The following ZFAT variants were observed in gnomAD, a reference collection of about 807,000 sequenced individuals.
The protein encoded by ZFAT is zinc finger and AT-hook domain containing, also known as zinc finger protein ZFAT.
A neutral mutation model predicts 117.7 loss-of-function variants in ZFAT; 64 were observed. That is an observed-to-expected ratio of 0.54 (90% CI 0.44 to 0.67). The LOEUF is 0.67. Among genes scored for constraint, ZFAT ranks in the 30% least tolerant of loss-of-function variants. The pLI, the probability that ZFAT is intolerant of heterozygous loss-of-function variation, is 0.00. For missense variants in ZFAT, 1,433 were observed against 1,584.5 expected (o/e 0.90, Z 1.62); for synonymous variants, 679 against 615.0 (o/e 1.10, Z -1.54).
At chr8:134,500,876 G>C (rs891311298) in intron 15 of ZFAT, among the ~76,000 whole-genome samples, 4 of 152,202 alleles carry the variant, frequency 2.6e-5, no homozygotes, top group African/African-American at 9.7e-5. Flanking sequence ...TATAAGGAAT[G>C]CCAAGTATGA....
At chr8:134,826,428 T>C in the ZFAT span, among the ~76,000 whole-genome samples, 1 of 152,188 alleles carries the variant, frequency 6.6e-6, no homozygotes, top group Admixed American at 6.5e-5. Context: ...CACAGAAACA[T>C]GTAAAAAATC....
upstream of ZFAT, among the ~76,000 whole-genome samples, chr8:134,715,856 A>T (rs1563783751): frequency 6.6e-6 from 1 of 152,218 alleles, no homozygotes; most frequent in Non-Finnish European, 1.5e-5. Context: ...TATATCCAAT[A>T]TCTTTATGAG....
intron 11 of ZFAT, among the ~76,000 whole-genome samples, chr8:134,558,560 T>C (rs1823819927): frequency 6.6e-6 from 1 of 152,204 alleles, no homozygotes; most frequent in Admixed American, 6.5e-5. Flanking sequence ...TAAAAATTTA[T>C]AAAAAATACA....
intron 1 of ZFAT, among the ~76,000 whole-genome samples, chr8:134,670,272 T>C (rs1211890677): frequency 1.3e-5 from 2 of 152,134 alleles, no homozygotes; most frequent in African/African-American, 4.8e-5. Flanking sequence ...TCTACAGAAC[T>C]CTCCACCCCA....
intron 7 of ZFAT, among the ~76,000 whole-genome samples, chr8:134,591,644 G>A (rs1349604209): frequency 1.3e-5 from 2 of 152,214 alleles, no homozygotes; most frequent in African/African-American, 4.8e-5. Flanking sequence ...GAGGTCACTA[G>A]GGTGGGCCCT....
upstream of ZFAT, among the ~76,000 whole-genome samples, chr8:134,714,641 C>CT (rs980928032): frequency 6.6e-6 from 1 of 152,234 alleles, no homozygotes; most frequent in Non-Finnish European, 1.5e-5. Flanking sequence ...TAGCCTCCCC[C>CT]TTCTTCATTT....
chr8:134,652,764 G>C (rs980131398), intron 2 of ZFAT, among the ~76,000 whole-genome samples: 1 of 152,098 alleles, frequency 6.6e-6, no homozygotes, highest in Non-Finnish European at 1.5e-5. Flanking sequence ...TTTAAAATAA[G>C]ATAATATCCT....
the ZFAT span, among the ~76,000 whole-genome samples, chr8:134,769,871 A>T: frequency 6.6e-6 from 1 of 152,226 alleles, no homozygotes; most frequent in African/African-American, 2.4e-5. Flanking sequence ...CGCCATGTGG[A>T]AGCTGCCAAA....
At chr8:134,694,069 A>T (rs1396014992) in intron 1 of ZFAT, among the ~76,000 whole-genome samples, 1 of 152,190 alleles carries the variant, frequency 6.6e-6, no homozygotes, top group Non-Finnish European at 1.5e-5. Context: ...ACTCCACAAA[A>T]ATATCAATGT....
chr8:134,712,729 GCCGGCGGC>G, intron 1 of ZFAT, 108 bp downstream of exon 1: 1 of 909,934 alleles, frequency 1.1e-6, no homozygotes, highest in Non-Finnish European at 1.5e-6. Flanking sequence ...GCGGCCGGCG[GCCGGCGGC>G]CGGCGGCCGG....
chr8:134,635,165 C>T (rs866212286), intron 3 of ZFAT, among the ~76,000 whole-genome samples: 8 of 152,242 alleles, frequency 5.3e-5, no homozygotes, highest in Middle Eastern at 6.8e-3. Context: ...ATTGGGGACC[C>T]CTGTTTTAGA....
rs768439792 is a variant in ZFAT, at chr8:134,608,847, G to A, written c.667C>T (p.Pro223Ser). The A allele has an allele frequency of 5.0e-6, 8 of 1,609,730 alleles. No homozygotes were observed. Among genetic ancestry groups the A allele is most frequent in the Non-Finnish European group, 6.8e-6 (8 of 1,178,472 alleles). ...ATKIVPVEAGPPETGATNSET... is the reference protein window; with the variant it reads ...ATKIVPVEAGSPETGATNSET... ...GAATTTGTAGCTCCTGTTTCAGGGG[G>A]CCCAGCCTCCACTGGCACAATCTTG... Residue 223 changes from proline (P) to serine (S), a missense_variant, in exon 5 of 16, where the codon CCC becomes TCC. Around this residue, in one of 5 missense-constraint regions of ZFAT, gnomAD observed 436 missense variants for 482.0 expected, o/e 0.90. Transcript: ENST00000377838.
intron 1 of ZFAT, among the ~76,000 whole-genome samples, chr8:134,709,576 T>C (rs1319702001): frequency 1.3e-5 from 2 of 152,248 alleles, no homozygotes; most frequent in Non-Finnish European, 2.9e-5. Context: ...AACTTAACTC[T>C]AGGCTAAATC....
chr8:134,761,796 A>G, the ZFAT span, among the ~76,000 whole-genome samples: 1 of 152,178 alleles, frequency 6.6e-6, no homozygotes, highest in East Asian at 1.9e-4. Context: ...TTTTTCAACA[A>G]TAAGTCACAA....
At chr8:134,491,098 G>A (rs1310036055) in intron 15 of ZFAT, among the ~76,000 whole-genome samples, 1 of 152,162 alleles carries the variant, frequency 6.6e-6, no homozygotes, top group African/African-American at 2.4e-5. Flanking sequence ...ACAGTCACAA[G>A]GATAAAAATA....
chr8:134,525,286 C>A (rs769978012), intron 12 of ZFAT, among the ~76,000 whole-genome samples: 11 of 152,190 alleles, frequency 7.2e-5, no homozygotes, highest in Non-Finnish European at 1.5e-4. Flanking sequence ...CTCTGATATG[C>A]AGGTCCAGTG....
intron 15 of ZFAT, among the ~76,000 whole-genome samples, chr8:134,495,871 A>T (rs527668640): frequency 6.6e-6 from 1 of 152,224 alleles, no homozygotes; most frequent in African/African-American, 2.4e-5. Context: ...TTGAGGCTGC[A>T]GTGAGCCATA....
chr8:134,758,993 A>G, the ZFAT span, among the ~76,000 whole-genome samples: 1,430 of 152,290 alleles, frequency 9.4e-3, 7 homozygotes, highest in Middle Eastern at 0.017. Context: ...CACTGCCCCA[A>G]ATAAAAGCAG....
chr8:134,784,512 T>C, the ZFAT span: 1 of 152,120 alleles, frequency 6.6e-6, no homozygotes, highest in African/African-American at 2.4e-5. Flanking sequence ...GAAAACTGAA[T>C]TTACAATCTA....
Sources: allele counts gnomAD v4.1 joint callset (sites outside exome capture counted in the v4.1 genomes callset), GRCh38; gene constraint gnomAD v4.1.1; regional missense constraint gnomAD v4.1.1; transcripts MANE v1.5; gene names NCBI Gene and HGNC (gene_info 2026-07-23, HGNC 2026-07-21).